TIMP3: variants seen among roughly 807,000 people sequenced by gnomAD.
TIMP3 encodes the protein metalloproteinase inhibitor 3.
Under a neutral mutation model 30.0 loss-of-function variants are expected in TIMP3, and 11 were observed. The observed-to-expected ratio is 0.37, with a 90% CI of 0.23 to 0.61. The LOEUF (loss-of-function observed/expected upper bound fraction) is 0.61, where lower values mean the gene tolerates loss of function less well. TIMP3 is among the 20% of genes least tolerant of loss of function. TIMP3 has a pLI of 0.70. For synonymous variants in TIMP3, 112 were observed against 111.3 expected, an observed-to-expected ratio of 1.01 and a Z score of -0.04; for missense variants, 181 against 276.8, an observed-to-expected ratio of 0.65 and a Z score of 2.45.
chr22:32,828,335 C>T (rs2047474304), intron 1 of TIMP3, among the ~76,000 whole-genome samples: 1 of 152,182 alleles, frequency 6.6e-6, no homozygotes, highest in Non-Finnish European at 1.5e-5. Context: ...CTTAGGACAA[C>T]ATTCTTTTAT....
intron 1 of TIMP3, among the ~76,000 whole-genome samples, chr22:32,830,549 G>A (rs1336523803): frequency 6.6e-6 from 1 of 152,178 alleles, no homozygotes; most frequent in Non-Finnish European, 1.5e-5. Flanking sequence ...GAAGCTGCCT[G>A]TGACCTTTCT....
chr22:32,826,562 T>C (rs1464111651), intron 1 of TIMP3, among the ~76,000 whole-genome samples: 2 of 152,200 alleles, frequency 1.3e-5, no homozygotes, highest in South Asian at 2.1e-4. Context: ...AGTATCTGCA[T>C]TGTACAGATG....
chr22:32,817,766 G>T lies in TIMP3; in HGVS notation c.121+15644G>T, dbSNP rs189014452. Among the ~76,000 whole-genome samples the T allele has an allele frequency of 1.0e-3, 156 of 152,288 alleles. 1 individual carries two copies. The highest frequency in any genetic ancestry group is 7.1e-4 in the Non-Finnish European group (48 of 68,026). ...TATACCGTTAAGGACATGATTGAAG[G>T]ACATTGTGGTGAGTGTGAAGGTGAG... On this transcript the variant is annotated intron_variant, in intron 1 of 4. Coordinates refer to ENST00000266085, the MANE Select transcript of TIMP3 (RefSeq NM_000362.5).
chr22:32,827,069 C>T (rs1337109026), intron 1 of TIMP3, among the ~76,000 whole-genome samples: 1 of 152,300 alleles, frequency 6.6e-6, no homozygotes, highest in East Asian at 1.9e-4. Context: ...GATCATTGAC[C>T]TCGCAGGGGC....
intron 2 of TIMP3, among the ~76,000 whole-genome samples, chr22:32,856,710 G>C (rs1323957933): frequency 6.6e-6 from 1 of 152,170 alleles, no homozygotes; most frequent in Non-Finnish European, 1.5e-5. Context: ...TATACAATAA[G>C]TTATTGTTTA....
intron 1 of TIMP3, among the ~76,000 whole-genome samples, chr22:32,815,901 G>T (rs1437822067): frequency 3.9e-5 from 6 of 152,158 alleles, no homozygotes; most frequent in African/African-American, 1.4e-4. Flanking sequence ...CTGTTCTGTG[G>T]TCTGTGGTCT....
intron 1 of TIMP3, among the ~76,000 whole-genome samples, chr22:32,830,865 A>G (rs2047552724): frequency 6.6e-6 from 1 of 152,134 alleles, no homozygotes; most frequent in South Asian, 2.1e-4. Flanking sequence ...CTTCGCTGGC[A>G]CGTAGCAAAA....
chr22:32,811,769 A>T (rs570226226), intron 1 of TIMP3, among the ~76,000 whole-genome samples: 1 of 152,122 alleles, frequency 6.6e-6, no homozygotes, highest in South Asian at 2.1e-4. Context: ...CCATATAGCC[A>T]ATACATGGAA....
At chr22:32,838,652 G>C (rs541383372) in intron 1 of TIMP3, among the ~76,000 whole-genome samples, 2 of 151,888 alleles carry the variant, frequency 1.3e-5, no homozygotes, top group African/African-American at 2.4e-5. Context: ...GTCGGTATTC[G>C]GCCTCTCCAG....
At position 32,803,873 on chromosome 22, in the gene TIMP3, C is replaced by T. The variant is rs573487733; in HGVS notation, c.121+1751C>T. Reference sequence around the variant, plus strand: ...TTGGTATGTAGTGGGAGTAGGTCCCCATTCTTCCCCCTTGCCCTTTGCTTT... The same window carrying T: ...TTGGTATGTAGTGGGAGTAGGTCCCTATTCTTCCCCCTTGCCCTTTGCTTT... On this transcript the variant is annotated intron_variant, in intron 1 of 4. Coordinates refer to ENST00000266085, the MANE Select transcript of TIMP3 (RefSeq NM_000362.5). Among the ~76,000 whole-genome samples the T allele has an allele frequency of 7.2e-5, 11 of 152,280 alleles. No homozygotes were observed. The South Asian group carries it at 2.3e-3, about 32-fold the overall frequency.
At chr22:32,826,289 G>T (rs2047410691) in intron 1 of TIMP3, among the ~76,000 whole-genome samples, 1 of 152,130 alleles carries the variant, frequency 6.6e-6, no homozygotes, top group Non-Finnish European at 1.5e-5. Context: ...AATTAGCTGG[G>T]TGTGGTGGTG....
At chr22:32,806,426 C>T (rs1569238769) in intron 1 of TIMP3, among the ~76,000 whole-genome samples, 1 of 152,168 alleles carries the variant, frequency 6.6e-6, no homozygotes, top group Non-Finnish European at 1.5e-5. Flanking sequence ...CACGATTCTC[C>T]ATCGCACTTG....
At position 32,851,204 on chromosome 22, in the gene TIMP3, A is replaced by C. The variant is rs111912031; in HGVS notation, c.204+1670A>C. Reference sequence around the variant, plus strand: ...CGGGAATGCCAAAGCATATTAGACCAAAGCAGAGGTTCAGAAAACACACGA... The same window carrying C: ...CGGGAATGCCAAAGCATATTAGACCCAAGCAGAGGTTCAGAAAACACACGA... On this transcript the variant is annotated intron_variant, in intron 2 of 4. Coordinates refer to ENST00000266085, the MANE Select transcript of TIMP3 (RefSeq NM_000362.5). Among the ~76,000 whole-genome samples, 3 of 152,158 alleles carry C rather than the reference A, an allele frequency of 2.0e-5. No homozygotes were observed. In the South Asian group the frequency reaches 6.2e-4, roughly 32 times the overall value.
intron 1 of TIMP3, among the ~76,000 whole-genome samples, chr22:32,823,753 A>G (rs546954649): frequency 1.3e-5 from 2 of 152,014 alleles, no homozygotes; most frequent in Non-Finnish European, 2.9e-5. Flanking sequence ...ACTTGGAGTG[A>G]AAAGACGTGG....
intron 2 of TIMP3, among the ~76,000 whole-genome samples, chr22:32,854,934 C>G (rs1014304702): frequency 6.6e-6 from 1 of 152,180 alleles, no homozygotes; most frequent in Non-Finnish European, 1.5e-5. Flanking sequence ...CACCTACCCC[C>G]GCCAACCAGT....
chr22:32,826,286 T>A (rs181807557), intron 1 of TIMP3, among the ~76,000 whole-genome samples: 2 of 152,198 alleles, frequency 1.3e-5, no homozygotes, highest in East Asian at 3.9e-4. Flanking sequence ...AAAAATTAGC[T>A]GGGTGTGGTG....
chr22:32,833,907 G>C, intron 1 of TIMP3: 1 of 497,994 alleles, frequency 2.0e-6, no homozygotes, highest in South Asian at 1.4e-5. Context: ...AATAGTATTA[G>C]AATTAGTATT....
intron 1 of TIMP3, among the ~76,000 whole-genome samples, chr22:32,825,626 C>T (rs1219104103): frequency 1.6e-5 from 2 of 125,348 alleles, no homozygotes; most frequent in Non-Finnish European, 3.1e-5. Context: ...CCACTGCACT[C>T]CAGCCTGGGC....
intron 1 of TIMP3, among the ~76,000 whole-genome samples, chr22:32,830,859 G>A (rs567150348): frequency 7.9e-5 from 12 of 152,234 alleles, no homozygotes; most frequent in African/African-American, 2.9e-4. Context: ...GATGGTCTTC[G>A]CTGGCACGTA....
Sources: allele counts gnomAD v4.1 joint callset (sites outside exome capture counted in the v4.1 genomes callset), GRCh38; gene constraint gnomAD v4.1.1; transcripts MANE v1.5; gene names NCBI Gene and HGNC (gene_info 2026-07-23, HGNC 2026-07-21).